Variants in ZMIZ1 observed in about 807,000 individuals in gnomAD.
ZMIZ1 encodes the protein zinc finger MIZ-type containing 1.
ZMIZ1 carries 17 observed loss-of-function variants against 113.9 expected under a neutral mutation model. The ratio of observed to expected loss-of-function variants is 0.15; its 90% CI spans 0.10 to 0.22. The LOEUF (loss-of-function observed/expected upper bound fraction) is 0.22. Among genes scored for constraint, ZMIZ1 ranks in the 10% least tolerant of loss-of-function variants. The pLI is 1.00. For synonymous variants in ZMIZ1, 607 were observed against 603.1 expected, an observed-to-expected ratio of 1.01 and a Z score of -0.09; for missense variants, 1,059 against 1,477.8, an observed-to-expected ratio of 0.72 and a Z score of 4.65.
chr10:79,313,631 G>A lies in ZMIZ1; in HGVS notation c.*882G>A, dbSNP rs2132121644. ...TATAACCTGTCAGAAGCAAACAGGA[G>A]CGGCAACTTCTAACTTTGCTCCAAG... is the stretch of plus-strand genomic sequence containing the variant. On this transcript the variant is annotated 3_prime_UTR_variant, in exon 25 of 25. Transcript: ENST00000334512. 4.2e-6 allele frequency: 1 copy of A among 239,630 alleles called. No homozygotes were observed. The highest frequency in any genetic ancestry group is 8.3e-6 in the Non-Finnish European group (1 of 120,596). 14.8% of individuals were successfully genotyped at this position (239,630 alleles called of 1,614,324 possible). A position where few individuals can be genotyped will look rare whatever the true frequency, so the allele number is the denominator to read the frequency against.
chr10:79,125,485 G>T (rs1400867049), intron 2 of ZMIZ1, among the ~76,000 whole-genome samples: 1 of 152,252 alleles, frequency 6.6e-6, no homozygotes, highest in African/African-American at 2.4e-5. Context: ...AGGTTGTAAA[G>T]AGTTTCCTGG....
chr10:79,098,352 C>G (rs1266297735), intron 1 of ZMIZ1, among the ~76,000 whole-genome samples: 5 of 152,160 alleles, frequency 3.3e-5, no homozygotes, highest in Non-Finnish European at 7.4e-5. Context: ...CACAAGCACT[C>G]TGGAGCTAGA....
intron 7 of ZMIZ1, 86 bp from the exon 8 acceptor site, chr10:79,277,095 C>A: frequency 7.0e-7 from 1 of 1,425,996 alleles, no homozygotes; most frequent in Non-Finnish European, 9.2e-7. Flanking sequence ...ATGGATAGCA[C>A]CCAGTCTGGG....
chr10:79,176,975 C>T (rs1488194339), intron 4 of ZMIZ1, among the ~76,000 whole-genome samples: 1 of 152,216 alleles, frequency 6.6e-6, no homozygotes, highest in East Asian at 1.9e-4. Context: ...GTAAACTGTG[C>T]CATGCACTGG....
At chr10:79,282,396 C>T (rs1030215226) in intron 8 of ZMIZ1, among the ~76,000 whole-genome samples, 3 of 152,168 alleles carry the variant, frequency 2.0e-5, no homozygotes, top group African/African-American at 4.8e-5. Context: ...GGCTCTGGGT[C>T]TTTGTCTGAA....
At chr10:79,150,520 C>T (rs1391656212) in intron 3 of ZMIZ1, among the ~76,000 whole-genome samples, 3 of 152,196 alleles carry the variant, frequency 2.0e-5, no homozygotes, top group African/African-American at 4.8e-5. Flanking sequence ...TGGGACTAGG[C>T]CTGGGAGCCA....
At chr10:79,113,945 G>A (rs879740007) in intron 1 of ZMIZ1, among the ~76,000 whole-genome samples, 1 of 152,232 alleles carries the variant, frequency 6.6e-6, no homozygotes, top group Admixed American at 6.5e-5. Context: ...TTTAATTAAG[G>A]GGGTTCCTGA....
chr10:79,307,453 C>G lies in ZMIZ1; in HGVS notation c.2717C>G (p.Pro906Arg). 6.2e-7 allele frequency: 1 copy of G among 1,613,260 alleles called. No individual in the cohort carries two copies. The highest frequency in any genetic ancestry group is 8.5e-7 in the Non-Finnish European group (1 of 1,179,648). ...AACTTTGACTTCCCCCACGGGAACC[C>G]TGGAGGGACATCCATGAATGACTTC... ...HGNFDFPHGNPGGTSMNDFMH... is the reference protein window; with the variant it reads ...HGNFDFPHGNRGGTSMNDFMH... Residue 906 changes from proline to arginine, a missense_variant, in exon 23 of 25, where the codon CCT (proline) becomes CGT (arginine). Physicochemically the swap from Pro to Arg is moderately radical, Grantham distance 103 (BLOSUM62 -2). Around this residue, in one of 6 missense-constraint regions of ZMIZ1, gnomAD observed 225 missense variants for 276.0 expected, o/e 0.82. Transcript: ENST00000334512.
At chr10:79,273,128 G>A (rs1250544) in intron 7 of ZMIZ1, among the ~76,000 whole-genome samples, 48,387 of 152,008 alleles carry the variant, frequency 0.32, 8,184 homozygotes, top group East Asian at 0.45. Flanking sequence ...AGGTGGTTGT[G>A]CCTCTATTTC....
chr10:79,141,934 GT>G (rs1295116270), intron 3 of ZMIZ1, among the ~76,000 whole-genome samples: 1 of 152,208 alleles, frequency 6.6e-6, no homozygotes, highest in Non-Finnish European at 1.5e-5. Flanking sequence ...CCAGGTAGAG[GT>G]GATGGGAACA....
At chr10:79,177,199 G>A (rs1358668553) in intron 4 of ZMIZ1, among the ~76,000 whole-genome samples, 6 of 152,198 alleles carry the variant, frequency 3.9e-5, no homozygotes. Context: ...GCCTTGGAAA[G>A]CTGGCCTCGC....
chr10:79,309,770 G>A (rs1242804451), intron 23 of ZMIZ1, among the ~76,000 whole-genome samples: 1 of 152,162 alleles, frequency 6.6e-6, no homozygotes, highest in Non-Finnish European at 1.5e-5. Context: ...TGTTCTGTGT[G>A]GCTGCCCCAG....
chr10:79,299,921 C>G (rs530024891), intron 16 of ZMIZ1, among the ~76,000 whole-genome samples: 1 of 152,352 alleles, frequency 6.6e-6, no homozygotes, highest in South Asian at 2.1e-4. Context: ...AGTCAAGACT[C>G]ACAGTCTCAC....
intron 3 of ZMIZ1, among the ~76,000 whole-genome samples, chr10:79,148,597 G>T (rs937503998): frequency 6.6e-6 from 1 of 152,178 alleles, no homozygotes; most frequent in Non-Finnish European, 1.5e-5. Flanking sequence ...TGAGGGTGAC[G>T]CAGATCCGCC....
intron 1 of ZMIZ1, among the ~76,000 whole-genome samples, chr10:79,106,606 G>T (rs908381570): frequency 6.6e-6 from 1 of 152,244 alleles, no homozygotes; most frequent in Non-Finnish European, 1.5e-5. Flanking sequence ...TCCTTGGCCG[G>T]TCTTTGCCCG....
At chr10:79,292,869 GA>G (rs1853595306) in intron 11 of ZMIZ1, 1 of 463,084 alleles carries the variant, frequency 2.2e-6, no homozygotes, top group Non-Finnish European at 4.3e-6. Context: ...AGGAGGTGAG[GA>G]GGTGGGAACT....
At chr10:79,238,534 C>A (rs1024575118) in intron 7 of ZMIZ1, among the ~76,000 whole-genome samples, 1 of 152,190 alleles carries the variant, frequency 6.6e-6, no homozygotes, top group African/African-American at 2.4e-5. Flanking sequence ...AAAAGAAACA[C>A]AATGAAGCAA....
At chr10:79,262,472 C>T (rs778945592) in intron 7 of ZMIZ1, among the ~76,000 whole-genome samples, 1 of 152,252 alleles carries the variant, frequency 6.6e-6, no homozygotes, top group Non-Finnish European at 1.5e-5. Flanking sequence ...GTGTGTTACA[C>T]TGAGTAACAG....
intron 2 of ZMIZ1, among the ~76,000 whole-genome samples, chr10:79,137,956 T>C (rs1056421308): frequency 1.3e-5 from 2 of 152,078 alleles, no homozygotes; most frequent in Non-Finnish European, 2.9e-5. Context: ...CAACTGACTG[T>C]GGTAAACCGA....
Sources: gnomAD v4.1 joint callset for allele counts (sites outside exome capture counted in the v4.1 genomes callset) on GRCh38, gnomAD v4.1.1 for gene constraint, gnomAD v4.1.1 regional missense constraint, MANE v1.5 for transcripts, NCBI Gene and HGNC (gene_info 2026-07-23, HGNC 2026-07-21) for gene names.